The following LRIT3 variants were observed in gnomAD, a reference collection of about 807,000 sequenced individuals.
The protein encoded by LRIT3 is leucine rich repeat, Ig-like and transmembrane domains 3.
In LRIT3, 14 loss-of-function variants were observed where a neutral mutation model predicts 22.6. That is an observed-to-expected ratio of 0.62 (90% CI 0.41 to 0.97). The LOEUF is 0.97. LRIT3 is among the 50% of genes least tolerant of loss of function. The probability of loss-of-function intolerance (pLI) is 0.00; values close to 1 mark genes in which losing one functional copy is unlikely to be tolerated. For missense variants in LRIT3, 783 were observed against 803.0 expected, an observed-to-expected ratio of 0.98 and a Z score of 0.30; for synonymous variants, 306 against 304.5, an observed-to-expected ratio of 1.01 and a Z score of -0.05.
chr4:109,851,938 C>G lies in LRIT3; in HGVS notation c.551C>G (p.Ser184Cys). 6.4e-7 allele frequency: 1 copy of G among 1,551,400 alleles called. No homozygotes were observed. The highest frequency in any genetic ancestry group is 8.7e-7 in the Non-Finnish European group (1 of 1,146,852). Residue 184 changes from serine (S) to cysteine (C), a missense_variant, in exon 2 of 4, where the codon TCT becomes TGT. Physicochemically the swap from Ser to Cys is moderately radical, Grantham distance 112 (BLOSUM62 -1). This residue lies in a region of LRIT3 where 756 missense variants were observed against 753.8 expected (regional missense o/e 1.00). Coordinates refer to ENST00000594814, the MANE Select transcript of LRIT3 (RefSeq NM_198506.5). ...ESWTHLVSTP[S>C]GVLDLSPSRI... ...TGGACTCATTTAGTTTCAACACCTTCTGGAGTCCTGGACCTTTCCCCAAGC... is the reference window on the plus strand; with the variant it reads ...TGGACTCATTTAGTTTCAACACCTTGTGGAGTCCTGGACCTTTCCCCAAGC...
chr4:109,867,282 A>G (rs540339396), intron 2 of LRIT3, among the ~76,000 whole-genome samples: 1 of 152,130 alleles, frequency 6.6e-6, no homozygotes, highest in African/African-American at 2.4e-5. Context: ...CATCTTTAAC[A>G]TAGGGATAGA....
chr4:109,860,225 G>T (rs1294797333), intron 2 of LRIT3, among the ~76,000 whole-genome samples: 1 of 151,868 alleles, frequency 6.6e-6, no homozygotes, highest in African/African-American at 2.4e-5. Context: ...TTTTTTTGGG[G>T]GTGTTGTTTT....
chr4:109,870,296 C>A lies in LRIT3; in HGVS notation c.1547C>A (p.Thr516Asn). The change falls in exon 4 of 4, where the codon ACT becomes AAT. Residue 516 changes from threonine (T) to asparagine (N), a missense_variant. Around this residue, in one of 2 missense-constraint regions of LRIT3, gnomAD observed 756 missense variants for 753.8 expected, o/e 1.00. Transcript: ENST00000594814. ...AACACCACACATAACTCTGCAGTGA[C>A]TGTGTTGTATTCCAAGTATGGTGGG... ...MINTTHNSAV[T>N]VLYSKYGGKD... is the part of the protein sequence containing the mutation. 1 of 1,614,178 alleles carries A rather than the reference C, an allele frequency of 6.2e-7. No individual in the cohort carries two copies.
At chr4:109,868,475 G>A (rs1734739300) in intron 3 of LRIT3, among the ~76,000 whole-genome samples, 1 of 150,756 alleles carries the variant, frequency 6.6e-6, no homozygotes, top group Non-Finnish European at 1.5e-5. Flanking sequence ...GGAGGCTGAG[G>A]CAGGAGAATT....
At chr4:109,849,526 A>T (rs1734157411) in intron 1 of LRIT3, among the ~76,000 whole-genome samples, 1 of 152,256 alleles carries the variant, frequency 6.6e-6, no homozygotes, top group African/African-American at 2.4e-5. Context: ...AATTGTGTTG[A>T]TGTAGTAACT....
chr4:109,865,130 G>A (rs753668958), intron 2 of LRIT3: 12 of 1,453,890 alleles, frequency 8.3e-6, no homozygotes, highest in Admixed American at 5.2e-5. Context: ...CTGATAGAAC[G>A]TTACGGCTGT....
intron 1 of LRIT3, among the ~76,000 whole-genome samples, chr4:109,850,634 G>A (rs959297224): frequency 1.9e-4 from 28 of 151,126 alleles, no homozygotes; most frequent in African/African-American, 6.6e-4. Flanking sequence ...CTACCACCGC[G>A]CCTGGCTAAT....
At chr4:109,868,319 C>T (rs142678736) in intron 3 of LRIT3, among the ~76,000 whole-genome samples, 4,599 of 152,016 alleles carry the variant, frequency 0.03, 223 homozygotes, top group African/African-American at 0.1. Flanking sequence ...ACCTGTAATC[C>T]CAGCACTTTG....
intron 2 of LRIT3, chr4:109,865,373 G>T: frequency 7.3e-7 from 1 of 1,372,790 alleles, no homozygotes; most frequent in Non-Finnish European, 1.0e-6. Flanking sequence ...AATAATGACT[G>T]AATATCTAAT....
Position 109,870,435 on chromosome 4 carries a change from G to A in LRIT3, c.1686G>A (p.Gln562=). ...ACVCPKGVPP[Q]KDQCITFSTE... ...TCTGTCCAAAAGGAGTGCCTCCCCA[G>A]AAAGACCAATGCATCACCTTTTCTA... Residue 562 remains glutamine, a synonymous_variant, in exon 4 of 4, where the codon CAG becomes CAA. Transcript: ENST00000594814. The A allele has an allele frequency of 6.8e-6, 11 of 1,614,194 alleles. No individual in the cohort carries two copies. The highest frequency in any genetic ancestry group is 9.3e-6 in the Non-Finnish European group (11 of 1,180,030).
At chr4:109,862,804 C>A (rs1579378795) in intron 2 of LRIT3, among the ~76,000 whole-genome samples, 1 of 152,254 alleles carries the variant, frequency 6.6e-6, no homozygotes, top group Non-Finnish European at 1.5e-5. Flanking sequence ...TCAACTCAGC[C>A]TCCTGGTAGC....
Position 109,871,019 on chromosome 4 carries a change from T to A in LRIT3, c.*230T>A. 1 of 382,740 alleles carries A rather than the reference T, an allele frequency of 2.6e-6. No individual in the cohort carries two copies. The highest frequency in any genetic ancestry group is 4.0e-5 in the East Asian group (1 of 25,196). 23.7% of individuals were successfully genotyped at this position (382,740 alleles called of 1,614,324 possible). A position where few individuals can be genotyped will look rare whatever the true frequency, so the allele number is the denominator to read the frequency against. On this transcript the variant is annotated 3_prime_UTR_variant, in exon 4 of 4. Transcript: ENST00000594814. ...TCTACAGAAATAATTTTTAGAGTGG[T>A]GCTTAATAAATTATTAATACTTTTT...
intron 2 of LRIT3, chr4:109,865,380 T>G: frequency 2.3e-6 from 3 of 1,329,106 alleles, no homozygotes; most frequent in African/African-American, 1.4e-5. Context: ...ACTGAATATC[T>G]AATGTGGTAT....
chr4:109,856,266 AG>A (rs1470740515), intron 2 of LRIT3, among the ~76,000 whole-genome samples: 2 of 152,182 alleles, frequency 1.3e-5, no homozygotes, highest in Non-Finnish European at 2.9e-5. Flanking sequence ...CAATAGTTTC[AG>A]GGGGTCTCCC....
chr4:109,860,740 T>C (rs935431508), intron 2 of LRIT3, among the ~76,000 whole-genome samples: 4 of 152,246 alleles, frequency 2.6e-5, no homozygotes, highest in Non-Finnish European at 5.9e-5. Context: ...TGAATTTTCA[T>C]CACTATAGGT....
Position 109,848,213 on chromosome 4 carries a change from T to A in LRIT3, c.12T>A (p.Phe4Leu). The change falls in exon 1 of 4, where the codon TTT (phenylalanine) becomes TTA (leucine). Residue 4 changes from phenylalanine to leucine, a missense_variant. Around this residue, in one of 2 missense-constraint regions of LRIT3, gnomAD observed 27 missense variants for 49.2 expected, o/e 0.55. Coordinates refer to ENST00000594814, the MANE Select transcript of LRIT3 (RefSeq NM_198506.5). ...CTCTAAAAGGAGCAATGCATCTCTT[T>A]GCATGTCTGTGCATTGTCCTTAGCT... is the stretch of plus-strand genomic sequence containing the variant. Reference protein sequence around the residue: MHLFACLCIVLSFL... With the variant: MHLLACLCIVLSFL... 1 of 1,231,758 alleles carries A rather than the reference T, an allele frequency of 8.1e-7. No individual in the cohort carries two copies. Among genetic ancestry groups the A allele is most frequent in the Non-Finnish European group, 1.0e-6 (1 of 987,596 alleles). 76.3% of individuals were successfully genotyped at this position (1,231,758 alleles called of 1,614,324 possible).
At chr4:109,867,511 ACT>A (rs1221591484) in intron 2 of LRIT3, 128 bp from the exon 3 acceptor site, 39 of 759,046 alleles carry the variant, frequency 5.1e-5, no homozygotes, top group Admixed American at 1.9e-4. Context: ...CATAAAGGTG[ACT>A]CTGCTTCATC....
At position 109,870,683 on chromosome 4, in the gene LRIT3, G is replaced by A. The variant is rs1167321437; in HGVS notation, c.1934G>A (p.Arg645Gln). Reference protein sequence around the residue: ...RSQSVGELWTRSHRDDSEKLL... With the variant: ...RSQSVGELWTQSHRDDSEKLL... Reference sequence around the variant, plus strand: ...CAAAGTGTAGGTGAGCTCTGGACACGAAGCCACAGGGATGACTCAGAGAAA... The same window carrying A: ...CAAAGTGTAGGTGAGCTCTGGACACAAAGCCACAGGGATGACTCAGAGAAA... The change falls in exon 4 of 4, where the codon CGA (arginine) becomes CAA (glutamine). Residue 645 changes from arginine (R) to glutamine (Q), a missense_variant. Arg to Gln is a conservative substitution (Grantham distance 43, BLOSUM62 1). This residue lies in a region of LRIT3 where 756 missense variants were observed against 753.8 expected (regional missense o/e 1.00). Coordinates refer to ENST00000594814, the MANE Select transcript of LRIT3 (RefSeq NM_198506.5). 2.5e-6 allele frequency: 4 copies of A among 1,613,990 alleles called. No homozygotes were observed. Among genetic ancestry groups the A allele is most frequent in the East Asian group, 2.2e-5 (1 of 44,880 alleles).
At chr4:109,861,000 A>G (rs1339775705) in intron 2 of LRIT3, among the ~76,000 whole-genome samples, 1 of 152,266 alleles carries the variant, frequency 6.6e-6, no homozygotes, top group Non-Finnish European at 1.5e-5. Flanking sequence ...ACATTCTTGT[A>G]CAAAGCTTTT....
Sources: allele counts gnomAD v4.1 joint callset (sites outside exome capture counted in the v4.1 genomes callset), GRCh38; gene constraint gnomAD v4.1.1; regional missense constraint gnomAD v4.1.1; transcripts MANE v1.5; gene names NCBI Gene and HGNC (gene_info 2026-07-23, HGNC 2026-07-21).